NIF3L1: variants seen among roughly 807,000 people sequenced by gnomAD.
NIF3L1 encodes NGG1 interacting factor 3 like 1, also known as NIF3-like protein 1.
Under a neutral mutation model 35.0 loss-of-function variants are expected in NIF3L1, and 26 were observed. That is an observed-to-expected ratio of 0.74 (90% CI 0.54 to 1.03). The LOEUF is 1.03. Among genes scored for constraint, NIF3L1 ranks in the 50% least tolerant of loss-of-function variants. The probability of loss-of-function intolerance (pLI) is 0.00; values close to 1 mark genes in which losing one functional copy is unlikely to be tolerated. For missense variants in NIF3L1, 449 were observed against 466.3 expected (o/e 0.96, Z 0.34); for synonymous variants, 157 against 178.9 (o/e 0.88, Z 0.98).
In NIF3L1 at chr2:200,889,622, T is replaced by G. The variant is rs1045983848; in HGVS notation, c.-57T>G. The G allele has an allele frequency of 6.5e-6, 1 of 155,006 alleles. No homozygotes were observed. The highest frequency in any genetic ancestry group is 1.4e-5 in the Non-Finnish European group (1 of 69,468). The allele number at this position is 155,006 out of a possible 1,614,324, so 9.6% of individuals were successfully genotyped here. A position where few individuals can be genotyped will look rare whatever the true frequency, so the allele number is the denominator to read the frequency against. ...GTTTTTCACTGTCCTGGAAAAGGCC[T>G]GAAGTGGCACTGAAATGAGGCATAG... On this transcript the variant is annotated 5_prime_UTR_variant, in exon 1 of 7. Transcript: ENST00000409020.
chr2:200,894,086 A>C (rs1293584841), intron 3 of NIF3L1, among the ~76,000 whole-genome samples: 1 of 151,564 alleles, frequency 6.6e-6, no homozygotes, highest in Non-Finnish European at 1.5e-5. Flanking sequence ...AGGCAGGAGA[A>C]TCACTTGAAC....
intron 6 of NIF3L1, among the ~76,000 whole-genome samples, chr2:200,901,479 C>G (rs1401982937): frequency 2.6e-5 from 4 of 152,152 alleles, no homozygotes; most frequent in Non-Finnish European, 5.9e-5. Flanking sequence ...TCCTTCCTAT[C>G]TGGCTGTGGG....
chr2:200,895,978 C>G (rs2040302788), intron 4 of NIF3L1, among the ~76,000 whole-genome samples: 1 of 145,876 alleles, frequency 6.9e-6, no homozygotes, highest in South Asian at 2.2e-4. Flanking sequence ...GCCACCCCCG[C>G]TTTTTTTTTT....
rs1559348581 is a variant in NIF3L1, at chr2:200,892,265, TG to T, written c.324del (p.Trp108Ter). The T allele has an allele frequency of 6.2e-7, 1 of 1,614,146 alleles. No individual in the cohort carries two copies. Among genetic ancestry groups the T allele is most frequent in the Admixed American group, 1.7e-5 (1 of 60,016 alleles). The stretch of plus-strand genomic sequence containing the variant: ...CATGAAGCGCATAACCTGGAACACA[TG>T]GAAGGAGCGCCTGGTGATCCGGGCT... ...RPMKRITWNT[W>X]KERLVIRALE... On this transcript the variant is annotated frameshift_variant, in exon 2 of 7. Coordinates refer to ENST00000409020, the MANE Select transcript of NIF3L1 (RefSeq NM_001369441.2). LOFTEE classifies it high-confidence loss of function.
rs781665331 is a variant in NIF3L1, at chr2:200,892,183, G to A, written c.240G>A (p.Glu80=). 2 of 1,614,222 alleles carry A rather than the reference G, an allele frequency of 1.2e-6. No homozygotes were observed. Among genetic ancestry groups the A allele is most frequent in the South Asian group, 2.2e-5 (2 of 91,084 alleles). ...TNDLTEEVME[E]VLQKKADLIL... ...ACCTGACTGAGGAAGTGATGGAGGA[G>A]GTGCTGCAAAAGAAGGCAGACCTCA... Residue 80 remains glutamate, a synonymous_variant, in exon 2 of 7, where the codon GAG becomes GAA. Transcript: ENST00000409020.
Position 200,899,440 on chromosome 2 carries a change from G to C in NIF3L1, c.921G>C (p.Gln307His), listed in dbSNP as rs758146707. Residue 307 changes from glutamine to histidine, a missense_variant, in exon 6 of 7, where the codon CAG (glutamine) becomes CAC (histidine). Physicochemically the swap from Gln to His is conservative, Grantham distance 24. Coordinates refer to ENST00000409020, the MANE Select transcript of NIF3L1 (RefSeq NM_001369441.2). ...LCAGSGSSVL[Q>H]GVEADLYLTG... ...CTGGTTCTGGGAGCAGCGTTCTGCA[G>C]GGTGTTGAGGCTGACCTTTACCTCA... is the stretch of plus-strand genomic sequence containing the variant. 2.5e-6 allele frequency: 4 copies of C among 1,614,104 alleles called. No individual in the cohort carries two copies. In the South Asian group the frequency reaches 4.4e-5, roughly 18 times the overall value.
chr2:200,893,228 C>T lies in NIF3L1; in HGVS notation c.437-18C>T. The T allele has an allele frequency of 3.7e-5, 53 of 1,445,500 alleles. No homozygotes were observed. Among genetic ancestry groups the T allele is most frequent in the South Asian group, 1.5e-4 (10 of 64,556 alleles). 89.5% of individuals were successfully genotyped at this position (1,445,500 alleles called of 1,614,324 possible). ...CTCACCCCCCAAAACTCCCATTTTCCCACAATATTTTCTCTAGGAGCTTGT... is the reference window on the plus strand; with the variant it reads ...CTCACCCCCCAAAACTCCCATTTTCTCACAATATTTTCTCTAGGAGCTTGT... On this transcript the variant is annotated intron_variant, in intron 2 of 6. Transcript: ENST00000409020.
At chr2:200,899,947 A>G (rs2040384641) in intron 6 of NIF3L1, among the ~76,000 whole-genome samples, 1 of 152,210 alleles carries the variant, frequency 6.6e-6, no homozygotes, top group African/African-American at 2.4e-5. Flanking sequence ...TTAACTTTTC[A>G]AAGTGCAAAT....
chr2:200,901,007 AT>A (rs1472297185), intron 6 of NIF3L1, among the ~76,000 whole-genome samples: 1 of 152,200 alleles, frequency 6.6e-6, no homozygotes, highest in South Asian at 2.1e-4. Flanking sequence ...ATATTGATGT[AT>A]TTCCCCTAGG....
In NIF3L1 at chr2:200,898,154, A is replaced by G. The variant is rs367739411; in HGVS notation, c.865+940A>G. Reference sequence around the variant, plus strand: ...ATTTCTCCCATTTTATAGGTGAACAATTGTGGTTCAGAGAGATAAGTAACT... The same window carrying G: ...ATTTCTCCCATTTTATAGGTGAACAGTTGTGGTTCAGAGAGATAAGTAACT... On this transcript the variant is annotated intron_variant, in intron 5 of 6. Transcript: ENST00000409020. Among the ~76,000 whole-genome samples, 3 of 148,832 alleles carry G rather than the reference A, an allele frequency of 2.0e-5. No individual in the cohort carries two copies. In the East Asian group the frequency reaches 5.8e-4, roughly 29 times the overall value.
intron 1 of NIF3L1, chr2:200,890,608 C>T (rs1254083386): frequency 6.6e-6 from 1 of 152,192 alleles, no homozygotes; most frequent in Non-Finnish European, 1.5e-5. Context: ...ATGGGGTTGA[C>T]AGCATTATCT....
intron 3 of NIF3L1, among the ~76,000 whole-genome samples, 171 bp from the exon 4 acceptor site, chr2:200,895,093 T>C (rs964094139): frequency 5.3e-5 from 8 of 152,190 alleles, no homozygotes; most frequent in East Asian, 3.8e-4. Flanking sequence ...CCAGTAGAGT[T>C]AGAGAAATGC....
chr2:200,896,156 T>G (rs772442817), intron 4 of NIF3L1, among the ~76,000 whole-genome samples: 6 of 152,008 alleles, frequency 3.9e-5, no homozygotes, highest in Non-Finnish European at 7.4e-5. Context: ...GCGATGAGAG[T>G]AGTCTCACCG....
chr2:200,895,006 A>G (rs1018377374), intron 3 of NIF3L1, among the ~76,000 whole-genome samples: 2 of 152,090 alleles, frequency 1.3e-5, no homozygotes, highest in African/African-American at 4.8e-5. Flanking sequence ...ACCCCCACCT[A>G]GATATAATGA....
intron 6 of NIF3L1, 39 bp downstream of exon 6, chr2:200,899,507 C>G (rs1217283664): frequency 1.9e-6 from 3 of 1,553,316 alleles, no homozygotes; most frequent in Non-Finnish European, 2.7e-6. Context: ...TTATTTTTTG[C>G]AAAATCAAAA....
At chr2:200,896,524 T>C (rs2040317460) in intron 4 of NIF3L1, among the ~76,000 whole-genome samples, 1 of 152,156 alleles carries the variant, frequency 6.6e-6, no homozygotes, top group Non-Finnish European at 1.5e-5. Flanking sequence ...TCACAGCTCA[T>C]TTAGTTTGTC....
At chr2:200,900,123 T>C (rs2040387813) in intron 6 of NIF3L1, among the ~76,000 whole-genome samples, 1 of 152,198 alleles carries the variant, frequency 6.6e-6, no homozygotes. Flanking sequence ...TGAGAAGCCT[T>C]CTCTGACACT....
chr2:200,892,219 C>T lies in NIF3L1; in HGVS notation c.276C>T (p.Tyr92=), dbSNP rs1469686388. The T allele has an allele frequency of 2.1e-5, 34 of 1,614,114 alleles. No homozygotes were observed. The highest frequency in any genetic ancestry group is 2.7e-5 in the Non-Finnish European group (32 of 1,180,052). Reference sequence around the variant, plus strand: ...AGAAGGCAGACCTCATTCTCTCCTACCATCCGCCTATCTTCCGACCCATGA... The same window carrying T: ...AGAAGGCAGACCTCATTCTCTCCTATCATCCGCCTATCTTCCGACCCATGA... ...LQKKADLILS[Y]HPPIFRPMKR... Residue 92 remains tyrosine, a synonymous_variant, in exon 2 of 7, where the codon TAC becomes TAT. Coordinates refer to ENST00000409020, the MANE Select transcript of NIF3L1 (RefSeq NM_001369441.2).
chr2:200,892,147 C>T lies in NIF3L1; in HGVS notation c.204C>T (p.Phe68=), dbSNP rs771013408. 3 of 1,614,098 alleles carry T rather than the reference C, an allele frequency of 1.9e-6. No homozygotes were observed. In the African/African-American group the frequency reaches 4.0e-5, roughly 22 times the overall value. ...CACCACATACTGTAAATACACTCTT[C>T]CTGACCAATGACCTGACTGAGGAAG... ...PSPPHTVNTL[F]LTNDLTEEVM... The change falls in exon 2 of 7, where the codon TTC becomes TTT. Residue 68 remains phenylalanine, a synonymous_variant. Transcript: ENST00000409020.
Sources: gnomAD v4.1 joint callset for allele counts (sites outside exome capture counted in the v4.1 genomes callset) on GRCh38, gnomAD v4.1.1 for gene constraint, MANE v1.5 for transcripts, NCBI Gene and HGNC (gene_info 2026-07-23, HGNC 2026-07-21) for gene names.